MYOZ2: variants seen among roughly 807,000 people sequenced by gnomAD.
The protein encoded by MYOZ2 is myozenin 2.
MYOZ2 carries 19 observed loss-of-function variants against 25.4 expected under a neutral mutation model. The observed-to-expected ratio is 0.75, with a 90% CI of 0.52 to 1.10. MYOZ2 has a LOEUF of 1.10. Among genes scored for constraint, MYOZ2 ranks in the 50% least tolerant of loss-of-function variants. The probability of loss-of-function intolerance (pLI) is 0.00; values close to 1 mark genes in which losing one functional copy is unlikely to be tolerated. For missense variants in MYOZ2, 270 were observed against 317.9 expected (o/e 0.85, Z 1.15); for synonymous variants, 92 against 106.9 (o/e 0.86, Z 0.86).
intron 5 of MYOZ2, among the ~76,000 whole-genome samples, chr4:119,168,302 C>G (rs1029867013): frequency 3.9e-5 from 6 of 152,180 alleles, no homozygotes; most frequent in South Asian, 2.1e-4. Context: ...GACACAACAT[C>G]CATTCTGTAG....
intron 3 of MYOZ2, 60 bp downstream of exon 3, chr4:119,151,101 T>C (rs939089833): frequency 6.3e-5 from 94 of 1,486,402 alleles, no homozygotes; most frequent in Middle Eastern, 5.5e-4. Context: ...AAATTTGTAT[T>C]TATGACTAGT....
intron 3 of MYOZ2, among the ~76,000 whole-genome samples, chr4:119,153,885 C>T (rs949317103): frequency 5.3e-5 from 8 of 151,978 alleles, no homozygotes; most frequent in Non-Finnish European, 1.0e-4. Flanking sequence ...TTTTGAAGCC[C>T]TAGTTCATAA....
At chr4:119,158,726 T>C (rs1376056646) in intron 4 of MYOZ2, among the ~76,000 whole-genome samples, 2 of 152,224 alleles carry the variant, frequency 1.3e-5, no homozygotes, top group African/African-American at 4.8e-5. Context: ...TGAAATCCTA[T>C]TTGTATAGGA....
At chr4:119,136,249 G>T (rs111420132) in intron 1 of MYOZ2, among the ~76,000 whole-genome samples, 16 of 152,224 alleles carry the variant, frequency 1.1e-4, no homozygotes, top group African/African-American at 3.9e-4. Context: ...GGAGGGGAAA[G>T]GAGACCAGCA....
intron 5 of MYOZ2, among the ~76,000 whole-genome samples, chr4:119,166,896 TTG>T (rs1278300074): frequency 6.6e-6 from 1 of 152,216 alleles, no homozygotes. Context: ...TCAATACATG[TTG>T]TGTGTGTTCT....
intron 4 of MYOZ2, among the ~76,000 whole-genome samples, 161 bp from the exon 5 acceptor site, chr4:119,164,050 T>C (rs1251764553): frequency 6.6e-6 from 1 of 152,158 alleles, no homozygotes; most frequent in Non-Finnish European, 1.5e-5. Flanking sequence ...AGCTCTAAAA[T>C]GTCTAACACT....
At chr4:119,148,770 A>C (rs74680601) in intron 2 of MYOZ2, among the ~76,000 whole-genome samples, 3 of 34,844 alleles carry the variant, frequency 8.6e-5, no homozygotes, top group African/African-American at 2.6e-4. Context: ...AGTCATTGGC[A>C]AAAAAAAAAA....
intron 3 of MYOZ2, among the ~76,000 whole-genome samples, chr4:119,155,174 G>A (rs977024384): frequency 4.6e-5 from 7 of 152,094 alleles, no homozygotes; most frequent in Admixed American, 4.6e-4. Context: ...CTGCGAGGAT[G>A]GCACCAAGTC....
At chr4:119,142,216 T>A (rs1741171884) in intron 2 of MYOZ2, among the ~76,000 whole-genome samples, 1 of 152,210 alleles carries the variant, frequency 6.6e-6, no homozygotes, top group African/African-American at 2.4e-5. Flanking sequence ...AAGCACTAAA[T>A]GCAGAGCTGG....
chr4:119,181,381 C>A (rs1292474606), intron 5 of MYOZ2, among the ~76,000 whole-genome samples: 1 of 152,096 alleles, frequency 6.6e-6, no homozygotes, highest in African/African-American at 2.4e-5. Context: ...GCTTGAATAT[C>A]CTCATCTGGA....
intron 4 of MYOZ2, among the ~76,000 whole-genome samples, chr4:119,160,510 T>C (rs895821387): frequency 6.6e-6 from 1 of 152,154 alleles, no homozygotes; most frequent in Non-Finnish European, 1.5e-5. Flanking sequence ...AGAGCAGATG[T>C]CCAAAGAATA....
At chr4:119,163,707 A>G (rs1249544078) in intron 4 of MYOZ2, among the ~76,000 whole-genome samples, 1 of 152,184 alleles carries the variant, frequency 6.6e-6, no homozygotes, top group African/African-American at 2.4e-5. Context: ...TGAAGCTCAA[A>G]CATTTTACAG....
At chr4:119,178,631 G>T (rs1323050478) in intron 5 of MYOZ2, among the ~76,000 whole-genome samples, 2 of 151,974 alleles carry the variant, frequency 1.3e-5, no homozygotes, top group Admixed American at 1.3e-4. Context: ...ATTTGAGTTG[G>T]AGTCTCGCTC....
chr4:119,172,599 A>G (rs1466665024), intron 5 of MYOZ2, among the ~76,000 whole-genome samples: 2 of 152,236 alleles, frequency 1.3e-5, no homozygotes, highest in Non-Finnish European at 2.9e-5. Context: ...GTTATCCCCA[A>G]GGAAAAATTT....
intron 3 of MYOZ2, among the ~76,000 whole-genome samples, chr4:119,157,276 A>T (rs374178576): frequency 6.6e-6 from 1 of 152,164 alleles, no homozygotes; most frequent in Non-Finnish European, 1.5e-5. Context: ...TGAGAATAAA[A>T]CTTGGCTATA....
At chr4:119,183,434 A>G (rs1177958617) in intron 5 of MYOZ2, among the ~76,000 whole-genome samples, 2 of 151,848 alleles carry the variant, frequency 1.3e-5, no homozygotes, top group Non-Finnish European at 2.9e-5. Context: ...AAAAAAAAAG[A>G]GTATGATTAG....
intron 5 of MYOZ2, among the ~76,000 whole-genome samples, chr4:119,180,542 A>G (rs973648422): frequency 6.6e-6 from 1 of 152,136 alleles, no homozygotes; most frequent in Admixed American, 6.5e-5. Flanking sequence ...TTGCATTTGT[A>G]TTTAATTTTC....
At chr4:119,185,188 T>A (rs1219818717) in intron 5 of MYOZ2, among the ~76,000 whole-genome samples, 1 of 151,838 alleles carries the variant, frequency 6.6e-6, no homozygotes, top group Non-Finnish European at 1.5e-5. Context: ...TTCTTTCTTT[T>A]TTTCTGAGAT....
intron 4 of MYOZ2, among the ~76,000 whole-genome samples, chr4:119,158,772 C>T (rs7688678): frequency 0.017 from 2,626 of 152,126 alleles, 70 homozygotes; most frequent in African/African-American, 0.06. Flanking sequence ...TATATATTGT[C>T]TTCTTTAATT....
Sources: allele counts gnomAD v4.1 joint callset (sites outside exome capture counted in the v4.1 genomes callset), GRCh38; gene constraint gnomAD v4.1.1; transcripts MANE v1.5; gene names NCBI Gene and HGNC (gene_info 2026-07-23, HGNC 2026-07-21).